The following PLCXD2 variants were observed in gnomAD, a reference collection of about 807,000 sequenced individuals.
PLCXD2 encodes the protein phosphatidylinositol specific phospholipase C X domain containing 2, also known as PI-PLC X domain-containing protein 2.
A neutral mutation model predicts 28.6 loss-of-function variants in PLCXD2; 21 were observed. That is an observed-to-expected ratio of 0.73 (90% confidence interval 0.52 to 1.06). The LOEUF is 1.06. Ranked by LOEUF, PLCXD2 falls within the 50% of genes least tolerant of loss-of-function variation. The pLI, the probability that PLCXD2 is intolerant of heterozygous loss-of-function variation, is 0.00. For synonymous variants in PLCXD2, 140 were observed against 150.1 expected (o/e 0.93, Z 0.49); for missense variants, 369 against 376.7 (o/e 0.98, Z 0.17).
intron 1 of PLCXD2, among the ~76,000 whole-genome samples, chr3:111,689,065 A>T (rs953939305): frequency 2.6e-5 from 4 of 152,184 alleles, no homozygotes; most frequent in African/African-American, 9.6e-5. Context: ...GAATGAGGTG[A>T]GTACCATGAT....
intron 1 of PLCXD2, among the ~76,000 whole-genome samples, chr3:111,680,605 C>G (rs180685905): frequency 2.0e-4 from 30 of 152,264 alleles, no homozygotes; most frequent in African/African-American, 7.2e-4. Context: ...GTAGGTTTCA[C>G]TCTTAAAAAG....
chr3:111,713,974 A>G lies in PLCXD2; in HGVS notation c.712A>G (p.Thr238Ala), dbSNP rs942564908. ...GATTCCAGCGCCCTGGGCAAACACC[A>G]CAAGTGTGCGCAAACTAATCCTCTT... The change falls in exon 3 of 5, where the codon ACA (threonine) becomes GCA (alanine). Residue 238 changes from threonine (T) to alanine (A), a missense_variant. Coordinates refer to ENST00000477665, the MANE Select transcript of PLCXD2 (RefSeq NM_001185106.1). The G allele has an allele frequency of 1.2e-6, 2 of 1,614,148 alleles. No homozygotes were observed. The highest frequency in any genetic ancestry group is 1.7e-6 in the Non-Finnish European group (2 of 1,180,024).
intron 1 of PLCXD2, among the ~76,000 whole-genome samples, chr3:111,702,736 A>G (rs1289556552): frequency 1.3e-5 from 2 of 152,202 alleles, no homozygotes; most frequent in Non-Finnish European, 2.9e-5. Context: ...GGTGCAGGGT[A>G]TTTTCCTCCT....
At chr3:111,697,571 TTGAGTGTTTTAA>T (rs1940980187) in intron 1 of PLCXD2, among the ~76,000 whole-genome samples, 1 of 152,200 alleles carries the variant, frequency 6.6e-6, no homozygotes, top group Non-Finnish European at 1.5e-5. Flanking sequence ...ACATTGGTGT[TTGAGTGTTTTAA>T]TGATATTTGG....
At chr3:111,682,146 G>T (rs761380298) in intron 1 of PLCXD2, among the ~76,000 whole-genome samples, 13 of 152,176 alleles carry the variant, frequency 8.5e-5, no homozygotes, top group Non-Finnish European at 1.5e-4. Flanking sequence ...GGTTAAGCAG[G>T]AGTCCTTCCA....
chr3:111,700,335 T>A (rs1207147358), intron 1 of PLCXD2, among the ~76,000 whole-genome samples: 3 of 152,184 alleles, frequency 2.0e-5, no homozygotes, highest in African/African-American at 7.2e-5. Context: ...ACAGGGGTAG[T>A]AATTGTGAAA....
Position 111,713,891 on chromosome 3 carries a change from T to G in PLCXD2, c.629T>G (p.Leu210Arg), listed in dbSNP as rs757954321. The G allele has an allele frequency of 1.2e-6, 2 of 1,611,186 alleles. No homozygotes were observed. The highest frequency in any genetic ancestry group is 2.7e-5 in the African/African-American group (2 of 74,844). ...TTTGTGTTTTGAATATTTCAGGTTC[T>G]TATTTTCTACCACTGTCCCTTCTAC... The change falls in exon 3 of 5, where the codon CTT (leucine) becomes CGT (arginine). Residue 210 changes from leucine to arginine, a missense_variant. Leu to Arg is a moderately radical substitution (Grantham distance 102). Transcript: ENST00000477665.
intron 2 of PLCXD2, among the ~76,000 whole-genome samples, chr3:111,711,021 T>A (rs575377735): frequency 6.6e-6 from 1 of 152,330 alleles, no homozygotes; most frequent in South Asian, 2.1e-4. Flanking sequence ...ACTGTGATGA[T>A]ATCTCAGAAA....
chr3:111,726,126 C>A, intron 3 of PLCXD2: 1 of 366,894 alleles, frequency 2.7e-6, no homozygotes. Flanking sequence ...AACATTAAGC[C>A]CAACAAGAAG....
intron 1 of PLCXD2, among the ~76,000 whole-genome samples, chr3:111,694,670 G>A (rs1940936370): frequency 6.6e-6 from 1 of 152,190 alleles, no homozygotes; most frequent in Admixed American, 6.5e-5. Flanking sequence ...GCTGGCTGCT[G>A]TTGTGAGTCA....
intron 3 of PLCXD2, among the ~76,000 whole-genome samples, chr3:111,718,166 A>G (rs545798823): frequency 2.5e-4 from 38 of 152,292 alleles, no homozygotes; most frequent in African/African-American, 8.7e-4. Context: ...ATAATCAGCT[A>G]TTAATATAAA....
At chr3:111,711,416 TAAATA>T (rs1941198450) in intron 2 of PLCXD2, among the ~76,000 whole-genome samples, 1 of 152,124 alleles carries the variant, frequency 6.6e-6, no homozygotes, top group East Asian at 1.9e-4. Flanking sequence ...AAAAAATAAA[TAAATA>T]AAATAAAATA....
intron 3 of PLCXD2, among the ~76,000 whole-genome samples, chr3:111,714,686 C>T (rs1351146752): frequency 6.6e-6 from 1 of 152,196 alleles, no homozygotes; most frequent in Non-Finnish European, 1.5e-5. Context: ...AATTTTGTAT[C>T]AGATGGTGTT....
Position 111,697,415 on chromosome 3 carries a change from G to C in PLCXD2, c.164-10511G>C, listed in dbSNP as rs74715245. Among the ~76,000 whole-genome samples the C allele has an allele frequency of 8.8e-3, 1,344 of 152,256 alleles. 19 individuals carry two copies. The highest frequency in any genetic ancestry group is 0.031 in the African/African-American group (1,268 of 41,542). ...TTGGGTGATAAAGCATATTGAGAGA[G>C]ATGAACTAACATAAACTTGGCCATA... is the stretch of plus-strand genomic sequence containing the variant. On this transcript the variant is annotated intron_variant, in intron 1 of 4. Coordinates refer to ENST00000477665, the MANE Select transcript of PLCXD2 (RefSeq NM_001185106.1).
chr3:111,683,966 A>G (rs927903507), intron 1 of PLCXD2, among the ~76,000 whole-genome samples: 6 of 152,154 alleles, frequency 3.9e-5, no homozygotes, highest in Non-Finnish European at 8.8e-5. Flanking sequence ...AAAATAGTTT[A>G]TTATGGTTGT....
chr3:111,688,723 GACCAT>G (rs1940831913), intron 1 of PLCXD2, among the ~76,000 whole-genome samples: 1 of 152,124 alleles, frequency 6.6e-6, no homozygotes, highest in Non-Finnish European at 1.5e-5. Context: ...TGAGGGCGAA[GACCAT>G]ACCTCCTTTT....
chr3:111,725,788 T>A (rs912499797), intron 3 of PLCXD2: 2 of 398,616 alleles, frequency 5.0e-6, no homozygotes, highest in Admixed American at 8.8e-5. Context: ...AGGCTCACCA[T>A]TTGCCGAGGC....
chr3:111,677,287 A>G (rs1021993316), intron 1 of PLCXD2: 1 of 152,228 alleles, frequency 6.6e-6, no homozygotes, highest in African/African-American at 2.4e-5. Context: ...AATGCTAGCC[A>G]TTCATGGACT....
intron 3 of PLCXD2, chr3:111,726,923 G>A (rs1048545814): frequency 6.6e-6 from 1 of 152,068 alleles, no homozygotes; most frequent in Non-Finnish European, 1.5e-5. Flanking sequence ...TGAACATTTT[G>A]TTATTGGTCC....
Sources: gnomAD v4.1 joint callset for allele counts (sites outside exome capture counted in the v4.1 genomes callset) on GRCh38, gnomAD v4.1.1 for gene constraint, MANE v1.5 for transcripts, NCBI Gene and HGNC (gene_info 2026-07-23, HGNC 2026-07-21) for gene names.